Variants in CDH13 observed in about 807,000 individuals in gnomAD.
CDH13 encodes the protein cadherin 13.
CDH13 carries 24 observed loss-of-function variants against 63.8 expected under a neutral mutation model. That is an observed-to-expected ratio of 0.38 (90% CI 0.27 to 0.53). CDH13 has a LOEUF of 0.53. Among genes scored for constraint, CDH13 ranks in the 20% least tolerant of loss-of-function variants. The pLI, the probability that CDH13 is intolerant of heterozygous loss-of-function variation, is 0.85. For synonymous variants in CDH13, 503 were observed against 355.3 expected, an observed-to-expected ratio of 1.42 and a Z score of -4.67; for missense variants, 1,049 against 903.1, an observed-to-expected ratio of 1.16 and a Z score of -2.07.
chr16:82,932,838 A>T (rs2042541762), intron 2 of CDH13, among the ~76,000 whole-genome samples: 1 of 152,204 alleles, frequency 6.6e-6, no homozygotes, highest in African/African-American at 2.4e-5. Context: ...GAACAAATGT[A>T]AGATTCCGTA....
chr16:82,922,022 T>C (rs1292769606), intron 2 of CDH13, among the ~76,000 whole-genome samples: 1 of 152,222 alleles, frequency 6.6e-6, no homozygotes, highest in Admixed American at 6.5e-5. Flanking sequence ...ATGTTTTCTA[T>C]TTCATCTAAA....
intron 5 of CDH13, among the ~76,000 whole-genome samples, chr16:83,272,835 A>G (rs945034498): frequency 6.6e-6 from 1 of 152,154 alleles, no homozygotes. Context: ...TTCAAGAACA[A>G]CTATTCTGTG....
At chr16:83,301,599 G>T (rs2089747550) in intron 5 of CDH13, among the ~76,000 whole-genome samples, 1 of 152,158 alleles carries the variant, frequency 6.6e-6, no homozygotes, top group South Asian at 2.1e-4. Context: ...CTTCTCGGAT[G>T]TAAGAGAGGT....
chr16:83,745,267 C>G (rs145756562), intron 10 of CDH13, among the ~76,000 whole-genome samples: 3 of 152,168 alleles, frequency 2.0e-5, no homozygotes, highest in Non-Finnish European at 4.4e-5. Context: ...CCTCTCCTGG[C>G]GTCCTTCTGC....
intron 11 of CDH13, among the ~76,000 whole-genome samples, chr16:83,753,272 G>C (rs1390816740): frequency 6.6e-6 from 1 of 152,178 alleles, no homozygotes; most frequent in Non-Finnish European, 1.5e-5. Flanking sequence ...GGCCAAGCAA[G>C]GTGGCTTACA....
intron 1 of CDH13, among the ~76,000 whole-genome samples, chr16:82,803,604 AACTGTGGTATATGCAT>A (rs2036983616): frequency 6.6e-6 from 1 of 152,210 alleles, no homozygotes; most frequent in Non-Finnish European, 1.5e-5. Flanking sequence ...AGAATAATGA[AACTGTGGTATATGCAT>A]GCCGTGGGAT....
Position 83,062,962 on chromosome 16 carries a change from A to ATTT in CDH13, c.366+30760_366+30762dup, listed in dbSNP as rs61186735. On this transcript the variant is annotated intron_variant, in intron 3 of 13. Coordinates refer to ENST00000567109, the MANE Select transcript of CDH13 (RefSeq NM_001257.5). ...TCAGATGTCTTATGTGGTGGTTGGCATTTTTTTTTTTTTTTTTTGAGTCAG... is the reference window on the plus strand; with the variant it reads ...TCAGATGTCTTATGTGGTGGTTGGCATTTTTTTTTTTTTTTTTTTTTGAGTCAG... Among the ~76,000 whole-genome samples the ATTT allele has an allele frequency of 7.9e-3, 1,060 of 134,062 alleles. 17 individuals are homozygous for ATTT. Among genetic ancestry groups the ATTT allele is most frequent in the Non-Finnish European group, 0.01 (661 of 63,276 alleles). 87.9% of individuals were successfully genotyped at this position (134,062 alleles called of 152,430 possible).
intron 3 of CDH13, among the ~76,000 whole-genome samples, chr16:83,095,410 T>A (rs2034144409): frequency 1.3e-5 from 2 of 152,234 alleles, no homozygotes; most frequent in South Asian, 4.1e-4. Flanking sequence ...TGCTGGCAAT[T>A]TGTAAACATC....
chr16:83,621,588 G>A (rs1362017084), intron 8 of CDH13, among the ~76,000 whole-genome samples: 4 of 138,366 alleles, frequency 2.9e-5, no homozygotes, highest in Non-Finnish European at 6.1e-5. Context: ...TTAGGTTCAA[G>A]CGATTCTCCT....
At chr16:83,299,766 T>C (rs1050799267) in intron 5 of CDH13, among the ~76,000 whole-genome samples, 2 of 152,220 alleles carry the variant, frequency 1.3e-5, no homozygotes, top group Non-Finnish European at 2.9e-5. Context: ...ATGGAGTTTA[T>C]ATAAGTTATT....
intron 10 of CDH13, among the ~76,000 whole-genome samples, chr16:83,746,657 C>T (rs180720506): frequency 6.7e-6 from 1 of 149,102 alleles, no homozygotes; most frequent in East Asian, 1.9e-4. Flanking sequence ...AAATCAACTT[C>T]ATGCATCTTT....
At chr16:83,728,887 C>A (rs1181976051) in intron 10 of CDH13, 2 of 153,076 alleles carry the variant, frequency 1.3e-5, no homozygotes, top group South Asian at 3.9e-4. Flanking sequence ...GGCTGGAAGT[C>A]CAAGATCATG....
chr16:82,816,881 A>G (rs2037743918), intron 1 of CDH13, among the ~76,000 whole-genome samples: 1 of 151,896 alleles, frequency 6.6e-6, no homozygotes, highest in African/African-American at 2.4e-5. Context: ...ACAGGATACA[A>G]CGAAAGGATA....
chr16:83,599,984 A>G (rs577311327), intron 7 of CDH13, among the ~76,000 whole-genome samples: 1 of 152,320 alleles, frequency 6.6e-6, no homozygotes, highest in Non-Finnish European at 1.5e-5. Context: ...TAGTACATGC[A>G]GTCCAGCTCG....
At chr16:83,100,062 A>G (rs1049060195) in intron 3 of CDH13, among the ~76,000 whole-genome samples, 1 of 152,160 alleles carries the variant, frequency 6.6e-6, no homozygotes, top group African/African-American at 2.4e-5. Flanking sequence ...ATTGCTCCAC[A>G]TAGGCTCATT....
intron 7 of CDH13, among the ~76,000 whole-genome samples, chr16:83,532,791 C>T (rs1015247409): frequency 2.6e-5 from 4 of 152,224 alleles, no homozygotes; most frequent in African/African-American, 9.6e-5. Flanking sequence ...TGCACTAGAG[C>T]AGTTGTCCCA....
chr16:83,709,208 G>T (rs1907622693), intron 10 of CDH13, among the ~76,000 whole-genome samples: 1 of 152,140 alleles, frequency 6.6e-6, no homozygotes, highest in East Asian at 1.9e-4. Flanking sequence ...ATTCTGCCCT[G>T]AAGATTCTAA....
At chr16:83,262,949 T>A (rs566408062) in intron 5 of CDH13, among the ~76,000 whole-genome samples, 28 of 152,360 alleles carry the variant, frequency 1.8e-4, no homozygotes, top group Middle Eastern at 6.8e-3. Context: ...TAAATTGATA[T>A]GATGTTGTTT....
intron 3 of CDH13, among the ~76,000 whole-genome samples, chr16:83,066,221 TCAA>T (rs1416166881): frequency 1.3e-5 from 2 of 152,210 alleles, no homozygotes; most frequent in Non-Finnish European, 2.9e-5. Flanking sequence ...TGAGTTCTTC[TCAA>T]CAAGTGACTA....
Sources: gnomAD v4.1 joint callset for allele counts (sites outside exome capture counted in the v4.1 genomes callset) on GRCh38, gnomAD v4.1.1 for gene constraint, MANE v1.5 for transcripts, NCBI Gene and HGNC (gene_info 2026-07-23, HGNC 2026-07-21) for gene names.